ZBTB44: variants seen among roughly 807,000 people sequenced by gnomAD.
ZBTB44 encodes the protein zinc finger and BTB domain-containing protein 44.
A neutral mutation model predicts 54.0 loss-of-function variants in ZBTB44; 15 were observed. That is an observed-to-expected ratio of 0.28 (90% CI 0.19 to 0.43). ZBTB44 has a LOEUF of 0.43. Ranked by LOEUF, ZBTB44 falls within the 20% of genes least tolerant of loss-of-function variation. The pLI is 1.00. For synonymous variants in ZBTB44, 230 were observed against 250.1 expected (o/e 0.92, Z 0.76); for missense variants, 487 against 707.1 (o/e 0.69, Z 3.53).
At chr11:130,274,559 C>T (rs1411203583) in intron 1 of ZBTB44, among the ~76,000 whole-genome samples, 1 of 152,116 alleles carries the variant, frequency 6.6e-6, no homozygotes, top group Non-Finnish European at 1.5e-5. Flanking sequence ...TACAGTGTTA[C>T]TATCACTAAA....
chr11:130,279,871 C>A (rs1226395532), intron 1 of ZBTB44, among the ~76,000 whole-genome samples: 4 of 152,162 alleles, frequency 2.6e-5, no homozygotes, highest in Non-Finnish European at 4.4e-5. Flanking sequence ...AAGTAAGCTG[C>A]ATTCAGAAGA....
At chr11:130,243,247 T>C (rs1954467583) in intron 2 of ZBTB44, among the ~76,000 whole-genome samples, 1 of 152,250 alleles carries the variant, frequency 6.6e-6, no homozygotes, top group African/African-American at 2.4e-5. Flanking sequence ...TTTTTTTTCC[T>C]GTTGGTTCTC....
intron 5 of ZBTB44, among the ~76,000 whole-genome samples, chr11:130,235,482 G>A (rs1005267031): frequency 2.6e-5 from 4 of 152,104 alleles, no homozygotes; most frequent in Admixed American, 6.5e-5. Flanking sequence ...CAAAATCTAC[G>A]CAGGAATAAT....
At chr11:130,293,076 G>A (rs1941401358) in intron 1 of ZBTB44, among the ~76,000 whole-genome samples, 2 of 152,204 alleles carry the variant, frequency 1.3e-5, no homozygotes, top group South Asian at 4.1e-4. Context: ...AAAGTGTTTT[G>A]TGATCTTTAT....
chr11:130,295,917 CG>C, intron 1 of ZBTB44: 2 of 1,516,362 alleles, frequency 1.3e-6, no homozygotes, highest in East Asian at 4.5e-5. Flanking sequence ...GTGGCAGTAA[CG>C]GATCTGCTGA....
chr11:130,242,033 C>T (rs529941072), intron 2 of ZBTB44, among the ~76,000 whole-genome samples: 1 of 152,304 alleles, frequency 6.6e-6, no homozygotes, highest in South Asian at 2.1e-4. Context: ...AGAGAAAGTT[C>T]TCTGCCCTTG....
At chr11:130,239,058 A>T (rs1230337997) in intron 3 of ZBTB44, 1 of 156,306 alleles carries the variant, frequency 6.4e-6, no homozygotes, top group African/African-American at 2.4e-5. Flanking sequence ...GGTGACTTAG[A>T]GTAGGGTGGC....
Position 130,261,598 on chromosome 11 carries a change from G to A in ZBTB44, c.276C>T (p.Ala92=), listed in dbSNP as rs544282161. The A allele has an allele frequency of 1.9e-6, 3 of 1,613,970 alleles. No homozygotes were observed. The highest frequency in any genetic ancestry group is 2.5e-6 in the Non-Finnish European group (3 of 1,179,894). Reference sequence around the variant, plus strand: ...TATTTTCTGTGTTAATTGATAGAGTGGCTGTGTAAGCATATTCTAAAAGAG... The same window carrying A: ...TATTTTCTGTGTTAATTGATAGAGTAGCTGTGTAAGCATATTCTAAAAGAG... ...FIPLLEYAYT[A]TLSINTENII... is the part of the protein sequence containing the mutation. The change falls in exon 2 of 8, where the codon GCC becomes GCT. Residue 92 remains alanine, a synonymous_variant. Coordinates refer to ENST00000357899, the MANE Select transcript of ZBTB44 (RefSeq NM_001301098.2). The surrounding 1 kb of genome is among the most constrained non-coding windows in gnomAD (Gnocchi z 4.8).
At position 130,228,132 on chromosome 11, in the gene ZBTB44, A is replaced by G. The variant is rs2136233990; in HGVS notation, c.*3632T>C. On this transcript the variant is annotated 3_prime_UTR_variant, in exon 8 of 8. Transcript: ENST00000357899. Reference sequence around the variant, plus strand: ...AGGCTGCCCTACAAAGAGGCAGGCAATCTCTACCTGATGCAACGGGAGGCA... The same window carrying G: ...AGGCTGCCCTACAAAGAGGCAGGCAGTCTCTACCTGATGCAACGGGAGGCA... The G allele has an allele frequency of 1.3e-5, 2 of 152,354 alleles. No individual in the cohort carries two copies. The highest frequency in any genetic ancestry group is 4.8e-5 in the African/African-American group (2 of 41,584). The allele number at this position is 152,354 out of a possible 1,614,324, so 9.4% of individuals were successfully genotyped here.
intron 2 of ZBTB44, among the ~76,000 whole-genome samples, chr11:130,245,655 TCTCA>T (rs1040752448): frequency 2.6e-5 from 4 of 151,968 alleles, no homozygotes; most frequent in African/African-American, 4.8e-5. Context: ...GGCATCGGCT[TCTCA>T]CTATCAGGTT....
At chr11:130,266,935 C>T (rs1939290039) in intron 1 of ZBTB44, among the ~76,000 whole-genome samples, 1 of 152,104 alleles carries the variant, frequency 6.6e-6, no homozygotes, top group Admixed American at 6.5e-5. Flanking sequence ...GGCAGGGTTT[C>T]AGAGGATCAA....
At chr11:130,257,981 GC>G (rs1294124528) in intron 2 of ZBTB44, among the ~76,000 whole-genome samples, 1 of 152,072 alleles carries the variant, frequency 6.6e-6, no homozygotes, top group Non-Finnish European at 1.5e-5. Flanking sequence ...CATCATCCAA[GC>G]ACAATTTACA....
chr11:130,243,008 C>T (rs550605298), intron 2 of ZBTB44, among the ~76,000 whole-genome samples: 95 of 152,332 alleles, frequency 6.2e-4, no homozygotes, highest in Non-Finnish European at 1.0e-3. Context: ...CAATGTGCTG[C>T]CAAAATGTTC....
At chr11:130,233,791 T>C (rs1953986658) in intron 6 of ZBTB44, 3 of 1,171,190 alleles carry the variant, frequency 2.6e-6, no homozygotes, top group Non-Finnish European at 3.2e-6. Flanking sequence ...ATCATGTTAT[T>C]GTGTACTTAC....
chr11:130,258,932 C>A (rs1938640153), intron 2 of ZBTB44, among the ~76,000 whole-genome samples: 1 of 152,112 alleles, frequency 6.6e-6, no homozygotes, highest in Admixed American at 6.6e-5. Context: ...CATTCCTGTG[C>A]ACCAGTAACA....
intron 1 of ZBTB44, among the ~76,000 whole-genome samples, chr11:130,273,108 G>C (rs578231500): frequency 4.7e-4 from 71 of 152,180 alleles, no homozygotes; most frequent in African/African-American, 1.7e-3. Flanking sequence ...GATAGGAACT[G>C]CATTGAATTT....
rs1942827338 is a variant in ZBTB44, at chr11:130,314,454, G to A, written c.-136C>T. 1 of 139,438 alleles carries A rather than the reference G, an allele frequency of 7.2e-6. No homozygotes were observed. Among genetic ancestry groups the A allele is most frequent in the South Asian group, 2.0e-4 (1 of 5,086 alleles). The allele number at this position is 139,438 out of a possible 1,614,324, so 8.6% of individuals were successfully genotyped here. A position where few individuals can be genotyped will look rare whatever the true frequency, so the allele number is the denominator to read the frequency against. ...CAGGCTGGGGCGGCGAGGCGGCGGC[G>A]GCGGCGGCCCGGGGGGAGGGGGCGG... On this transcript the variant is annotated 5_prime_UTR_variant, in exon 1 of 8. Coordinates refer to ENST00000357899, the MANE Select transcript of ZBTB44 (RefSeq NM_001301098.2).
rs1470038971 is a variant in ZBTB44, at chr11:130,230,319, A to ATTAGT, written c.*1440_*1444dup. On this transcript the variant is annotated 3_prime_UTR_variant, in exon 8 of 8. Coordinates refer to ENST00000357899, the MANE Select transcript of ZBTB44 (RefSeq NM_001301098.2). ...CTGGGAGAGTCTCCTGAACCAGCCT[A>ATTAGT]TTAGTTAGAAGGTAACTGAGTTACC... 5 of 151,214 alleles carry ATTAGT rather than the reference A, an allele frequency of 3.3e-5. No individual in the cohort carries two copies. In the East Asian group the frequency reaches 5.9e-4, roughly 18 times the overall value. 9.4% of individuals were successfully genotyped at this position (151,214 alleles called of 1,614,324 possible).
chr11:130,233,709 C>A, intron 6 of ZBTB44: 3 of 1,192,782 alleles, frequency 2.5e-6, no homozygotes, highest in Non-Finnish European at 2.1e-6. Flanking sequence ...CTACTTTTAA[C>A]AATGGAAGAA....
Sources: allele counts gnomAD v4.1 joint callset (sites outside exome capture counted in the v4.1 genomes callset), GRCh38; gene constraint gnomAD v4.1.1; non-coding constraint Gnocchi (gnomAD v3.1); transcripts MANE v1.5; gene names NCBI Gene and HGNC (gene_info 2026-07-23, HGNC 2026-07-21).